Variants in RGS8 observed in about 807,000 individuals in gnomAD.
The protein encoded by RGS8 is regulator of G protein signaling 8.
RGS8 carries 8 observed loss-of-function variants against 21.7 expected under a neutral mutation model. That is an observed-to-expected ratio of 0.37 (90% CI 0.22 to 0.66). The LOEUF is 0.66. Among genes scored for constraint, RGS8 ranks in the 30% least tolerant of loss-of-function variants. The pLI, the probability that RGS8 is intolerant of heterozygous loss-of-function variation, is 0.59. For missense variants in RGS8, 157 were observed against 217.9 expected, an observed-to-expected ratio of 0.72 and a Z score of 1.76; for synonymous variants, 80 against 83.6, an observed-to-expected ratio of 0.96 and a Z score of 0.24.
intron 3 of RGS8, among the ~76,000 whole-genome samples, chr1:182,668,814 G>A (rs932428338): frequency 4.6e-5 from 7 of 152,228 alleles, no homozygotes; most frequent in African/African-American, 7.2e-5. Context: ...GTGTCTGACA[G>A]CACGCCTTGC....
chr1:182,656,980 T>C (rs1663310477), intron 5 of RGS8, among the ~76,000 whole-genome samples: 1 of 152,182 alleles, frequency 6.6e-6, no homozygotes, highest in Non-Finnish European at 1.5e-5. Flanking sequence ...TACTTTAGTC[T>C]GAATAATGGA....
In RGS8 at chr1:182,666,330, G is replaced by A. The variant is rs369769252; in HGVS notation, c.129-297C>T. ...AAAGGTATCGAGGTAACAATGGAAA[G>A]AAACTGGTCTTAGAGCCAGAAAAGT... On this transcript the variant is annotated intron_variant, in intron 4 of 6. Transcript: ENST00000483095. Among the ~76,000 whole-genome samples, 5 of 152,316 alleles carry A rather than the reference G, an allele frequency of 3.3e-5. No individual in the cohort carries two copies. The South Asian group carries it at 1.0e-3, about 32-fold the overall frequency.
chr1:182,656,210 C>T (rs984167691), intron 5 of RGS8, among the ~76,000 whole-genome samples: 1 of 152,232 alleles, frequency 6.6e-6, no homozygotes, highest in African/African-American at 2.4e-5. Flanking sequence ...TTTGCACACA[C>T]ATCTGCGTGA....
chr1:182,689,267 A>G (rs1664771435), upstream of RGS8, among the ~76,000 whole-genome samples: 1 of 63,528 alleles, frequency 1.6e-5, no homozygotes, highest in African/African-American at 8.1e-5. Flanking sequence ...ACACACAGAC[A>G]CACACACACA....
chr1:182,719,333 A>C, the RGS8 span, among the ~76,000 whole-genome samples: 2 of 137,362 alleles, frequency 1.5e-5, no homozygotes, highest in African/African-American at 6.0e-5. Flanking sequence ...TCCTTTACAA[A>C]TGATACCACA....
intron 2 of RGS8, among the ~76,000 whole-genome samples, chr1:182,670,266 T>C (rs145527863): frequency 1.6e-3 from 245 of 152,304 alleles, no homozygotes; most frequent in African/African-American, 5.4e-3. Flanking sequence ...TCAGGCACCA[T>C]CACCACACAG....
At chr1:182,719,461 CT>C in the RGS8 span, among the ~76,000 whole-genome samples, 278 of 140,578 alleles carry the variant, frequency 2.0e-3, 1 homozygote, top group Admixed American at 3.8e-3. Context: ...TTTCTTTCTT[CT>C]TTTTTTTTTT....
chr1:182,740,765 C>G, the RGS8 span, among the ~76,000 whole-genome samples: 14 of 150,982 alleles, frequency 9.3e-5, no homozygotes, highest in East Asian at 2.1e-3. Context: ...TCTTAAGGAG[C>G]ATGCTGCCTT....
the RGS8 span, among the ~76,000 whole-genome samples, chr1:182,697,390 A>T: frequency 2.0e-5 from 3 of 152,246 alleles, no homozygotes; most frequent in African/African-American, 7.2e-5. Flanking sequence ...CTTAGGGGGC[A>T]CCCTCTGAAG....
At chr1:182,728,255 G>A in the RGS8 span, among the ~76,000 whole-genome samples, 11 of 152,194 alleles carry the variant, frequency 7.2e-5, no homozygotes, top group Admixed American at 4.6e-4. Flanking sequence ...CCAAGCTTCA[G>A]TGCATTCCTA....
chr1:182,705,693 C>T, the RGS8 span, among the ~76,000 whole-genome samples: 209 of 135,568 alleles, frequency 1.5e-3, 11 homozygotes, highest in African/African-American at 5.4e-3. Flanking sequence ...GATAAAAAGA[C>T]GGGGAATGTG....
chr1:182,731,981 G>C, the RGS8 span, among the ~76,000 whole-genome samples: 1 of 152,156 alleles, frequency 6.6e-6, no homozygotes. Flanking sequence ...AGACCTGTGG[G>C]AAAGTTACTG....
chr1:182,730,860 G>A, the RGS8 span, among the ~76,000 whole-genome samples: 1 of 152,150 alleles, frequency 6.6e-6, no homozygotes, highest in African/African-American at 2.4e-5. Context: ...GAAATTCTGA[G>A]ATTCTGATTC....
upstream of RGS8, among the ~76,000 whole-genome samples, chr1:182,686,265 C>T (rs1028579685): frequency 6.6e-6 from 1 of 152,110 alleles, no homozygotes; most frequent in Non-Finnish European, 1.5e-5. Flanking sequence ...TGTAAAGGGT[C>T]CATTGGGACC....
intron 5 of RGS8, among the ~76,000 whole-genome samples, chr1:182,648,858 TG>T (rs1380614272): frequency 3.3e-5 from 5 of 152,174 alleles, no homozygotes; most frequent in African/African-American, 1.2e-4. Flanking sequence ...CCCAGCACTT[TG>T]GGAGGCAGAG....
the RGS8 span, among the ~76,000 whole-genome samples, chr1:182,751,922 A>G: frequency 5.9e-5 from 9 of 152,194 alleles, no homozygotes; most frequent in East Asian, 1.7e-3. Flanking sequence ...TTTTTGTTTT[A>G]TTTGAATTTG....
At chr1:182,679,944 A>T (rs1370219232) in intron 1 of RGS8, among the ~76,000 whole-genome samples, 2 of 151,216 alleles carry the variant, frequency 1.3e-5, no homozygotes, top group Non-Finnish European at 3.0e-5. Flanking sequence ...ATTACAGGCA[A>T]CTCCCTTTCT....
chr1:182,666,671 A>G, intron 4 of RGS8, among the ~76,000 whole-genome samples: 1 of 151,538 alleles, frequency 6.6e-6, no homozygotes, highest in Non-Finnish European at 1.5e-5. Context: ...AAAAAAAAAG[A>G]GGATTCCCAT....
chr1:182,680,485 A>G (rs1418102533), intron 1 of RGS8, among the ~76,000 whole-genome samples: 1 of 152,080 alleles, frequency 6.6e-6, no homozygotes, highest in Non-Finnish European at 1.5e-5. Flanking sequence ...TCACCTGAAC[A>G]CCCAAGTTCA....
Sources: allele counts gnomAD v4.1 joint callset (sites outside exome capture counted in the v4.1 genomes callset), GRCh38; gene constraint gnomAD v4.1.1; transcripts MANE v1.5; gene names NCBI Gene and HGNC (gene_info 2026-07-23, HGNC 2026-07-21).